The following SHOX2 variants were observed in gnomAD, a reference collection of about 807,000 sequenced individuals.
SHOX2 encodes SHOX homeobox 2.
Under a neutral mutation model 31.3 loss-of-function variants are expected in SHOX2, and 13 were observed. That is an observed-to-expected ratio of 0.42 (90% CI 0.27 to 0.66). The LOEUF is 0.66. Ranked by LOEUF, SHOX2 falls within the 30% of genes least tolerant of loss-of-function variation. SHOX2 has a pLI of 0.27. For missense variants in SHOX2, 473 were observed against 443.0 expected (o/e 1.07, Z -0.61); for synonymous variants, 244 against 196.2 (o/e 1.24, Z -2.04).
chr3:158,098,277 G>T lies in SHOX2; in HGVS notation c.710C>A (p.Ala237Glu). 6.2e-7 allele frequency: 1 copy of T among 1,613,580 alleles called. No individual in the cohort carries two copies. Among genetic ancestry groups the T allele is most frequent in the Non-Finnish European group, 8.5e-7 (1 of 1,179,734 alleles). Residue 237 changes from alanine (A) to glutamate (E), a missense_variant, in exon 5 of 5, where the codon GCG becomes GAG. Ala to Glu is a moderately radical substitution (Grantham distance 107). Coordinates refer to ENST00000483851, the MANE Select transcript of SHOX2 (RefSeq NM_001163678.2). ...ALRMPFQQVQ[A>E]QLQLDSAVAH... The stretch of plus-strand genomic sequence containing the variant: ...CACAGCGCTGTCCAGCTGCAGCTGC[G>T]CCTGAACCTGAAAGGACAAGGGCGT...
At chr3:158,098,693 A>T (rs1713290830) in intron 4 of SHOX2, among the ~76,000 whole-genome samples, 1 of 152,242 alleles carries the variant, frequency 6.6e-6, no homozygotes, top group East Asian at 1.9e-4. Flanking sequence ...AGTATCAACA[A>T]GCAAACTACG....
In SHOX2 at chr3:158,100,547, T is replaced by C. The variant is rs1052488910; in HGVS notation, c.556-236A>G. Reference sequence around the variant, plus strand: ...TCACAAGATAGATTACTATTAGTCCTGATTTCATCTTTTCACATAACAGAG... The same window carrying C: ...TCACAAGATAGATTACTATTAGTCCCGATTTCATCTTTTCACATAACAGAG... On this transcript the variant is annotated intron_variant, in intron 2 of 4. Coordinates refer to ENST00000483851, the MANE Select transcript of SHOX2 (RefSeq NM_001163678.2). 1.1e-4 allele frequency among the ~76,000 whole-genome samples: 17 copies of C among 152,232 alleles called. No individual in the cohort carries two copies. The East Asian group carries it at 1.5e-3, about 14-fold the overall frequency.
Position 158,100,302 on chromosome 3 carries a change from GA to G in SHOX2, c.564del (p.Gln189LysfsTer20). On this transcript the variant is annotated frameshift_variant, in exon 3 of 5. Coordinates refer to ENST00000483851, the MANE Select transcript of SHOX2 (RefSeq NM_001163678.2). LOFTEE classifies it high-confidence loss of function. ...TTTCTACATTTAGCTCTTCGATTTT[GA>G]AACCAAACCTATAGGTTGGAGGGGG... ...GLSEARVQVW[F>X]QNRRAKCRKQ... 1.2e-6 allele frequency: 2 copies of G among 1,601,028 alleles called. No homozygotes were observed. The highest frequency in any genetic ancestry group is 1.7e-6 in the Non-Finnish European group (2 of 1,176,436).
chr3:158,106,186 G>C lies in SHOX2; in HGVS notation c.-162C>G. On this transcript the variant is annotated 5_prime_UTR_variant, in exon 1 of 5. Transcript: ENST00000483851. The stretch of plus-strand genomic sequence containing the variant: ...AGGAGAAAGAAGAAGAAAAAGAGGA[G>C]AAGAAAGAAGAAAGAGGAGGAGAAG... 1 of 1,131,752 alleles carries C rather than the reference G, an allele frequency of 8.8e-7. No homozygotes were observed. 70.1% of individuals were successfully genotyped at this position (1,131,752 alleles called of 1,614,324 possible).
intron 4 of SHOX2, among the ~76,000 whole-genome samples, chr3:158,098,961 C>T (rs1343735885): frequency 2.6e-5 from 4 of 152,138 alleles, no homozygotes; most frequent in African/African-American, 9.7e-5. Flanking sequence ...CTCCCTCTTT[C>T]TTCAGTCATT....
intron 1 of SHOX2, chr3:158,105,054 A>ACCCCC: frequency 2.9e-6 from 1 of 344,378 alleles, no homozygotes; most frequent in Non-Finnish European, 4.7e-6. Flanking sequence ...CGCCCCCAAC[A>ACCCCC]CACCAAGAAA....
At chr3:158,103,482 G>C (rs1713646513) in intron 1 of SHOX2, 1 of 157,624 alleles carries the variant, frequency 6.3e-6, no homozygotes, top group Non-Finnish European at 1.4e-5. Context: ...CCGGTGTTGT[G>C]CCGCACAGGG....
At chr3:158,099,698 T>C (rs940994431) in intron 4 of SHOX2, among the ~76,000 whole-genome samples, 162 bp downstream of exon 4, 3 of 152,210 alleles carry the variant, frequency 2.0e-5, no homozygotes, top group African/African-American at 7.2e-5. Context: ...TAATACCGTA[T>C]AGGTTTTTAA....
At position 158,101,734 on chromosome 3, in the gene SHOX2, G is replaced by C. The variant is rs2108125821; in HGVS notation, c.555+944C>G. ...CTTTGTAACAGCTGCAGATGTGCGG[G>C]CCTAAAACTGCTCCATGTGTTCAAA... is the stretch of plus-strand genomic sequence containing the variant. On this transcript the variant is annotated intron_variant, in intron 2 of 4. Coordinates refer to ENST00000483851, the MANE Select transcript of SHOX2 (RefSeq NM_001163678.2). 1.3e-5 allele frequency among the ~76,000 whole-genome samples: 2 copies of C among 152,248 alleles called. 1 individual carries two copies. The highest frequency in any genetic ancestry group is 6.8e-3 in the Middle Eastern group (2 of 294).
intron 2 of SHOX2, 139 bp from the exon 3 acceptor site, chr3:158,100,450 A>G (rs928102790): frequency 2.0e-5 from 11 of 561,440 alleles, no homozygotes; most frequent in Non-Finnish European, 3.1e-5. Flanking sequence ...TGAATTGTAT[A>G]AAACAGCCTC....
chr3:158,098,468 G>A, intron 4 of SHOX2, 184 bp from the exon 5 acceptor site: 1 of 715,702 alleles, frequency 1.4e-6, no homozygotes, highest in Non-Finnish European at 2.3e-6. Flanking sequence ...CTGAATCTGG[G>A]GTTCCACATG....
At chr3:158,101,158 C>T (rs1713463682) in intron 2 of SHOX2, among the ~76,000 whole-genome samples, 2 of 152,148 alleles carry the variant, frequency 1.3e-5, no homozygotes, top group Non-Finnish European at 2.9e-5. Flanking sequence ...TTTTGTATTC[C>T]ACTTTCAATA....
chr3:158,100,098 C>G, intron 3 of SHOX2, 150 bp from the exon 4 acceptor site: 1 of 922,236 alleles, frequency 1.1e-6, no homozygotes, highest in South Asian at 1.7e-5. Context: ...GTAACTTACT[C>G]CCAAACTTTA....
Position 158,105,723 on chromosome 3 carries a change from G to A in SHOX2, c.302C>T (p.Ala101Val), listed in dbSNP as rs1231942357. Reference protein sequence around the residue: ...RSPVRELDMGAAERSREPGSP... With the variant: ...RSPVRELDMGVAERSREPGSP... ...GCCCGGCTCCCTGCTTCTCTCGGCG[G>A]CGCCCATGTCCAGCTCCCGGACGGG... The change falls in exon 1 of 5, where the codon GCC becomes GTC. Residue 101 changes from alanine to valine, a missense_variant. By Grantham distance (64) the Ala-to-Val change is moderately conservative. Around this residue, in one of 3 missense-constraint regions of SHOX2, gnomAD observed 276 missense variants for 230.0 expected, o/e 1.20. Transcript: ENST00000483851. 5 of 1,525,710 alleles carry A rather than the reference G, an allele frequency of 3.3e-6. No individual in the cohort carries two copies. The highest frequency in any genetic ancestry group is 4.4e-6 in the Non-Finnish European group (5 of 1,137,832). 94.5% of individuals were successfully genotyped at this position (1,525,710 alleles called of 1,614,324 possible).
rs751604362 is a variant in SHOX2 at position 158,098,176 on chromosome 3, C to T, written c.811G>A (p.Gly271Arg). 37 of 1,613,494 alleles carry T rather than the reference C, an allele frequency of 2.3e-5. No individual in the cohort carries two copies. The highest frequency in any genetic ancestry group is 3.1e-5 in the Non-Finnish European group (36 of 1,179,770). Residue 271 changes from glycine (G) to arginine (R), a missense_variant, in exon 5 of 5, where the codon GGA (glycine) becomes AGA (arginine). By Grantham distance (125) the Gly-to-Arg change is moderately radical. This residue lies in a region of SHOX2 where 182 missense variants were observed against 167.2 expected (regional missense o/e 1.09). Transcript: ENST00000483851. ...PYMMFPAPPF[G>R]LPLATLAADS... ...GCGGCCAGCGTGGCGAGCGGCAGTC[C>T]GAAGGGCGGTGCTGGGAACATCATG... is the stretch of plus-strand genomic sequence containing the variant.
intron 1 of SHOX2, chr3:158,105,125 T>C: frequency 6.7e-7 from 1 of 1,483,194 alleles, no homozygotes; most frequent in Non-Finnish European, 9.1e-7. Context: ...TTGGCTTCCT[T>C]CTACCTTGAA....
chr3:158,099,694 C>T (rs752833777), intron 4 of SHOX2, among the ~76,000 whole-genome samples, 166 bp downstream of exon 4: 3 of 152,132 alleles, frequency 2.0e-5, no homozygotes, highest in African/African-American at 4.8e-5. Flanking sequence ...CCTTTAATAC[C>T]GTATAGGTTT....
At chr3:158,099,633 C>T (rs1341859369) in intron 4 of SHOX2, among the ~76,000 whole-genome samples, 2 of 152,172 alleles carry the variant, frequency 1.3e-5, no homozygotes, top group Admixed American at 1.3e-4. Context: ...GTTACTGCCC[C>T]CAGGCCCCTT....
intron 1 of SHOX2, chr3:158,104,066 C>G (rs1418222632): frequency 6.6e-6 from 1 of 152,280 alleles, no homozygotes; most frequent in Non-Finnish European, 1.5e-5. Flanking sequence ...TTTAGATAGT[C>G]GAGGCTGTTT....
Sources: gnomAD v4.1 joint callset for allele counts (sites outside exome capture counted in the v4.1 genomes callset) on GRCh38, gnomAD v4.1.1 for gene constraint, gnomAD v4.1.1 regional missense constraint, MANE v1.5 for transcripts, NCBI Gene and HGNC (gene_info 2026-07-23, HGNC 2026-07-21) for gene names.